Variants in SLC30A7 observed in about 807,000 individuals in gnomAD.
SLC30A7 encodes zinc transporter 7.
In SLC30A7, 35 loss-of-function variants were observed where a neutral mutation model predicts 46.0. The observed-to-expected ratio is 0.76, with a 90% CI of 0.58 to 1.01. SLC30A7 has a LOEUF of 1.01. SLC30A7 is among the 50% of genes least tolerant of loss of function. The pLI, the probability that SLC30A7 is intolerant of heterozygous loss-of-function variation, is 0.00. For synonymous variants in SLC30A7, 147 were observed against 157.8 expected, an observed-to-expected ratio of 0.93 and a Z score of 0.51; for missense variants, 464 against 451.1, an observed-to-expected ratio of 1.03 and a Z score of -0.26.
chr1:100,909,901 A>G (rs1211712540), intron 3 of SLC30A7, among the ~76,000 whole-genome samples: 2 of 152,122 alleles, frequency 1.3e-5, no homozygotes, highest in Non-Finnish European at 2.9e-5. Context: ...GATTTATTAG[A>G]TAAATTCCTA....
intron 4 of SLC30A7, among the ~76,000 whole-genome samples, chr1:100,911,624 T>TA (rs1652101265): frequency 6.6e-6 from 1 of 152,146 alleles, no homozygotes; most frequent in African/African-American, 2.4e-5. Flanking sequence ...GATCTCGGCT[T>TA]ACTGCAACTT....
In SLC30A7 at chr1:100,896,672, G is replaced by GTAA; in HGVS notation, c.182+2_182+4dup. 1 of 1,613,270 alleles carries GTAA rather than the reference G, an allele frequency of 6.2e-7. No individual in the cohort carries two copies. Among genetic ancestry groups the GTAA allele is most frequent in the Non-Finnish European group, 8.5e-7 (1 of 1,179,344 alleles). ...TACTCTACGGCATCTGGAGCAACTG[G>GTAA]TAACCAAAGGGGAAAATGGTTTGGG... On this transcript the variant is annotated splice_donor_variant, in intron 2 of 10. Transcript: ENST00000357650. LOFTEE classifies it high-confidence loss of function.
At chr1:100,972,263 T>C in intron 10 of SLC30A7, 1 of 345,474 alleles carries the variant, frequency 2.9e-6, no homozygotes, top group Non-Finnish European at 6.1e-6. Context: ...TCCACTTTTC[T>C]CTTTACTTTA....
chr1:100,940,580 T>C (rs1654279022), intron 8 of SLC30A7, among the ~76,000 whole-genome samples: 1 of 152,204 alleles, frequency 6.6e-6, no homozygotes, highest in African/African-American at 2.4e-5. Flanking sequence ...ATTAAGAGAC[T>C]AACTTCCTGA....
chr1:100,969,206 T>C (rs546245952), intron 10 of SLC30A7, among the ~76,000 whole-genome samples: 24 of 152,352 alleles, frequency 1.6e-4, no homozygotes, highest in African/African-American at 5.8e-4. Context: ...ACATTCATAA[T>C]GAAGCATGCA....
chr1:100,949,041 G>A (rs544408299), intron 8 of SLC30A7, among the ~76,000 whole-genome samples: 48 of 152,128 alleles, frequency 3.2e-4, no homozygotes, highest in Admixed American at 1.2e-3. Context: ...CTGTCAACTC[G>A]TCTAAGTCCA....
intron 8 of SLC30A7, among the ~76,000 whole-genome samples, chr1:100,954,063 C>T (rs1331578380): frequency 2.0e-5 from 3 of 152,162 alleles, no homozygotes; most frequent in African/African-American, 7.2e-5. Flanking sequence ...GTTTAGATGT[C>T]AGTAATCTGC....
At chr1:100,907,115 C>T (rs1570507986) in intron 3 of SLC30A7, 150 bp downstream of exon 3, 1 of 552,342 alleles carries the variant, frequency 1.8e-6, no homozygotes. Context: ...CGAGTTCCTA[C>T]CTCCCCAAGG....
Position 100,979,702 on chromosome 1 carries a change from C to T in SLC30A7, c.*4845C>T, listed in dbSNP as rs1656812954. 2 of 152,080 alleles carry T rather than the reference C, an allele frequency of 1.3e-5. No homozygotes were observed. The highest frequency in any genetic ancestry group is 2.1e-4 in the South Asian group (1 of 4,822). The allele number at this position is 152,080 out of a possible 1,614,324, so 9.4% of individuals were successfully genotyped here. On this transcript the variant is annotated 3_prime_UTR_variant, in exon 11 of 11. Coordinates refer to ENST00000357650, the MANE Select transcript of SLC30A7 (RefSeq NM_133496.5). The stretch of plus-strand genomic sequence containing the variant: ...GATTGACGGAGCATTTTCAAATCTC[C>T]TCTAATTCTCATAACATCTCTGTGA...
chr1:100,907,733 G>A lies in SLC30A7; in HGVS notation c.296+768G>A, dbSNP rs116439580. Among the ~76,000 whole-genome samples the A allele has an allele frequency of 1.1e-3, 170 of 150,450 alleles. 1 individual carries two copies. The highest frequency in any genetic ancestry group is 3.8e-3 in the African/African-American group (155 of 40,898). ...CCTCTTCTCTTCATTTCCCCTGTGA[G>A]TGCTCTTTTACATTCTCTTCCTTCT... On this transcript the variant is annotated intron_variant, in intron 3 of 10. Coordinates refer to ENST00000357650, the MANE Select transcript of SLC30A7 (RefSeq NM_133496.5).
the SLC30A7 span, chr1:100,990,361 T>C: frequency 3.2e-6 from 5 of 1,551,240 alleles, no homozygotes; most frequent in Admixed American, 5.0e-5. Context: ...ACCATATCAA[T>C]CCATATATGG....
chr1:100,923,004 ATTTTTTTTTTTT>A (rs71084855), intron 8 of SLC30A7, among the ~76,000 whole-genome samples: 11 of 49,138 alleles, frequency 2.2e-4, no homozygotes, highest in South Asian at 2.2e-3. Flanking sequence ...GTTAGAATAG[ATTTTTTTTTTTT>A]TTTTTTTTTT....
chr1:100,938,268 C>T (rs980512059), intron 8 of SLC30A7, among the ~76,000 whole-genome samples: 3 of 152,160 alleles, frequency 2.0e-5, no homozygotes, highest in African/African-American at 7.2e-5. Flanking sequence ...AAAAAAATGT[C>T]ACTGGGATTT....
chr1:100,917,776 A>T (rs1005917738), intron 6 of SLC30A7, among the ~76,000 whole-genome samples: 18 of 152,184 alleles, frequency 1.2e-4, no homozygotes, highest in African/African-American at 4.3e-4. Flanking sequence ...TTGTAAGAGT[A>T]TTAAAAGATA....
intron 8 of SLC30A7, among the ~76,000 whole-genome samples, chr1:100,944,228 T>C (rs565181647): frequency 1.4e-4 from 22 of 152,230 alleles, no homozygotes; most frequent in African/African-American, 5.1e-4. Context: ...TTTGTAGAGA[T>C]GGGGTTTTGC....
intron 8 of SLC30A7, among the ~76,000 whole-genome samples, chr1:100,947,851 C>G (rs1654731839): frequency 6.6e-6 from 1 of 152,116 alleles, no homozygotes; most frequent in Non-Finnish European, 1.5e-5. Context: ...TCTGTTTTAT[C>G]AGAGACTAGG....
At chr1:100,922,987 G>A (rs1653039414) in intron 8 of SLC30A7, among the ~76,000 whole-genome samples, 1 of 119,280 alleles carries the variant, frequency 8.4e-6, no homozygotes, top group Non-Finnish European at 1.8e-5. Context: ...TTTATAGCTT[G>A]TAGTTTGTTA....
chr1:100,911,460 G>C (rs1652087588), intron 4 of SLC30A7, among the ~76,000 whole-genome samples: 1 of 152,146 alleles, frequency 6.6e-6, no homozygotes, highest in African/African-American at 2.4e-5. Flanking sequence ...ATTAGAACCA[G>C]TCAATCTTTA....
At chr1:100,946,804 A>G (rs537375080) in intron 8 of SLC30A7, among the ~76,000 whole-genome samples, 3 of 152,284 alleles carry the variant, frequency 2.0e-5, no homozygotes, top group African/African-American at 7.2e-5. Flanking sequence ...GCCTCATAAA[A>G]TGAGTTAGGG....
Sources: allele counts gnomAD v4.1 joint callset (sites outside exome capture counted in the v4.1 genomes callset), GRCh38; gene constraint gnomAD v4.1.1; transcripts MANE v1.5; gene names NCBI Gene and HGNC (gene_info 2026-07-23, HGNC 2026-07-21).